The following TPP1 variants were observed in gnomAD, a reference collection of about 807,000 sequenced individuals.
The protein encoded by TPP1 is tripeptidyl-peptidase 1.
Under a neutral mutation model 67.6 loss-of-function variants are expected in TPP1, and 43 were observed. That is an observed-to-expected ratio of 0.64 (90% CI 0.50 to 0.82). The LOEUF is 0.82. Ranked by LOEUF, TPP1 falls within the 40% of genes least tolerant of loss-of-function variation. The pLI is 0.00. For synonymous variants in TPP1, 272 were observed against 281.5 expected (o/e 0.97, Z 0.34); for missense variants, 671 against 710.9 (o/e 0.94, Z 0.64).
Position 6,614,439 on chromosome 11 carries a change from A to C in TPP1, c.*107T>G, listed in dbSNP as rs1158437295. On this transcript the variant is annotated 3_prime_UTR_variant, in exon 13 of 13. Transcript: ENST00000299427. ...AGGGTTAGGGAGATAAGCTGTCTGC[A>C]GCAGTCAATAGTTGAGGGTTCAGCA... The C allele has an allele frequency of 4.2e-5, 63 of 1,485,494 alleles. 1 individual carries two copies. The highest frequency in any genetic ancestry group is 1.8e-5 in the Admixed American group (1 of 56,980). The allele number at this position is 1,485,494 out of a possible 1,614,324, so 92.0% of individuals were successfully genotyped here.
In TPP1 at chr11:6,618,781, T is replaced by C; in HGVS notation, c.224A>G (p.Gln75Arg). 6.2e-7 allele frequency: 1 copy of C among 1,613,824 alleles called. No individual in the cohort carries two copies. The highest frequency in any genetic ancestry group is 8.5e-7 in the Non-Finnish European group (1 of 1,180,018). ...TCCTCAGTCCCAAAAGGCACCGTAT[T>C]GAGGAGAGCTGGGATCCGACACAGC... ...VQAVSDPSSP[Q>R]YGKYLTLENV... Residue 75 changes from glutamine to arginine, a missense_variant, in exon 3 of 13, where the codon CAA becomes CGA. Gln to Arg is a conservative substitution (Grantham distance 43). Transcript: ENST00000299427.
In TPP1 at chr11:6,614,287, C is replaced by T. The variant is rs151296958; in HGVS notation, c.*259G>A. On this transcript the variant is annotated 3_prime_UTR_variant, in exon 13 of 13. Transcript: ENST00000299427. ...TGATTGAAAAGAGAAAGATGAGATG[C>T]GGAGGGAGAGGCATTCAAAAAATGC... 2.1e-4 allele frequency: 115 copies of T among 546,228 alleles called. No homozygotes were observed. Among genetic ancestry groups the T allele is most frequent in the African/African-American group, 1.9e-3 (101 of 52,886 alleles). 33.8% of individuals were successfully genotyped at this position (546,228 alleles called of 1,614,324 possible).
At position 6,615,551 on chromosome 11, in the gene TPP1, G is replaced by A. The variant is rs1199840174; in HGVS notation, c.1157C>T (p.Thr386Ile). ...CTGGAAGGATGTGCCTCCCACTGTG[G>A]TGACATAGGGGCTGAGGGGAGAAGA... ...PTFPASSPYV[T>I]TVGGTSFQEP... Residue 386 changes from threonine to isoleucine, a missense_variant, in exon 10 of 13, where the codon ACC becomes ATC. Thr to Ile is a moderately conservative substitution (Grantham distance 89, BLOSUM62 -1). Transcript: ENST00000299427. 1 of 1,614,066 alleles carries A rather than the reference G, an allele frequency of 6.2e-7. No homozygotes were observed. The highest frequency in any genetic ancestry group is 1.3e-5 in the African/African-American group (1 of 74,918).
At chr11:6,618,085 A>G in intron 3 of TPP1, 2 of 430,744 alleles carry the variant, frequency 4.6e-6, no homozygotes, top group Non-Finnish European at 8.6e-6. Context: ...TTTAATTTTA[A>G]GCTTATGTCC....
At position 6,614,928 on chromosome 11, in the gene TPP1, G is replaced by A. The variant is rs377700188; in HGVS notation, c.1489C>T (p.Arg497Cys). Residue 497 changes from arginine to cysteine, a missense_variant, in exon 12 of 13, where the codon CGC becomes TGC. Coordinates refer to ENST00000299427, the MANE Select transcript of TPP1 (RefSeq NM_000391.4). ...LINEHRILSG[R>C]PPLGFLNPRL... ...GGGTTGAGAAAGCCAAGAGGGGGGC[G>A]GCCACTAAGGATCCTGTGCTCATTG... The A allele has an allele frequency of 7.4e-6, 12 of 1,614,108 alleles. No homozygotes were observed. Among genetic ancestry groups the A allele is most frequent in the African/African-American group, 5.3e-5 (4 of 74,994 alleles).
Position 6,619,397 on chromosome 11 carries a change from C to T in TPP1, c.4G>A (p.Gly2Arg), listed in dbSNP as rs769552465. The change falls in exon 1 of 13, where the codon GGA (glycine) becomes AGA (arginine). Residue 2 changes from glycine to arginine, a missense_variant. Transcript: ENST00000299427. The stretch of plus-strand genomic sequence containing the variant: ...TCAATTTCTCACCAGGCTTGGAGTC[C>T]CATTCTGCCCTTCCGCGGATCTGCT... Reference protein sequence around the residue: MGLQACLLGLFA... With the variant: MRLQACLLGLFA... 6.2e-7 allele frequency: 1 copy of T among 1,614,090 alleles called. No individual in the cohort carries two copies. The highest frequency in any genetic ancestry group is 1.3e-5 in the African/African-American group (1 of 74,926).
Position 6,616,708 on chromosome 11 carries a change from A to G in TPP1, c.839T>C (p.Leu280Pro). The G allele has an allele frequency of 6.2e-7, 1 of 1,614,082 alleles. No homozygotes were observed. Among genetic ancestry groups the G allele is most frequent in the Non-Finnish European group, 8.5e-7 (1 of 1,180,004 alleles). The change falls in exon 7 of 13, where the codon CTG becomes CCG. Residue 280 changes from leucine (L) to proline (P), a missense_variant. By Grantham distance (98) the Leu-to-Pro change is moderately conservative. Transcript: ENST00000299427. ...GGAGATGTTGGCACCAGCACTCATC[A>G]GGTACTGCACATCTAGACTGGCCTC... ...GIEASLDVQYLMSAGANISTW... is the reference protein window; with the variant it reads ...GIEASLDVQYPMSAGANISTW...
At chr11:6,615,034 G>A in intron 11 of TPP1, 43 bp from the exon 12 acceptor site, 2 of 1,613,722 alleles carry the variant, frequency 1.2e-6, no homozygotes, top group Non-Finnish European at 1.7e-6. Context: ...GGTTCTGAGT[G>A]ATTGGACTTT....
Position 6,619,413 on chromosome 11 carries a change from C to G in TPP1, c.-13G>C. 2 of 1,614,216 alleles carry G rather than the reference C, an allele frequency of 1.2e-6. No homozygotes were observed. Among genetic ancestry groups the G allele is most frequent in the Non-Finnish European group, 1.7e-6 (2 of 1,180,032 alleles). On this transcript the variant is annotated 5_prime_UTR_variant, in exon 1 of 13. Transcript: ENST00000299427. ...CTTGGAGTCCCATTCTGCCCTTCCG[C>G]GGATCTGCTGTCATGTGACGGATCA...
chr11:6,619,322 C>T (rs1212901105), intron 1 of TPP1, 55 bp from the exon 2 acceptor site: 4 of 1,614,128 alleles, frequency 2.5e-6, no homozygotes, highest in Non-Finnish European at 3.4e-6. Flanking sequence ...TGTGTTCCCA[C>T]CCTCCCAATG....
chr11:6,617,625 C>T lies in TPP1; in HGVS notation c.380+1G>A, dbSNP rs1855606494. ...TCCATGGAGCAATCATTTCCTCTCA[C>T]CGGATGCTCAGCCAGCAAGTCAGAA... On this transcript the variant is annotated splice_donor_variant, in intron 4 of 12. Coordinates refer to ENST00000299427, the MANE Select transcript of TPP1 (RefSeq NM_000391.4). LOFTEE classifies it high-confidence loss of function. 6.2e-7 allele frequency: 1 copy of T among 1,614,132 alleles called. No individual in the cohort carries two copies. The highest frequency in any genetic ancestry group is 8.5e-7 in the Non-Finnish European group (1 of 1,179,998).
Position 6,614,704 on chromosome 11 carries a change from A to G in TPP1, c.1552-18T>C. 6.2e-7 allele frequency: 1 copy of G among 1,614,184 alleles called. No homozygotes were observed. The highest frequency in any genetic ancestry group is 8.5e-7 in the Non-Finnish European group (1 of 1,180,040). ...CGGGTTACCTAGGGAGGAGGCTGGCATCAGATCTGGGCCTACTAGTACCAG... is the reference window on the plus strand; with the variant it reads ...CGGGTTACCTAGGGAGGAGGCTGGCGTCAGATCTGGGCCTACTAGTACCAG... On this transcript the variant is annotated intron_variant, in intron 12 of 12. Transcript: ENST00000299427.
Position 6,614,402 on chromosome 11 carries a change from TCA to T in TPP1, c.*142_*143del. 8.7e-7 allele frequency: 1 copy of T among 1,154,114 alleles called. No homozygotes were observed. Among genetic ancestry groups the T allele is most frequent in the South Asian group, 1.4e-5 (1 of 69,960 alleles). 71.5% of individuals were successfully genotyped at this position (1,154,114 alleles called of 1,614,324 possible). ...GGTAGGGTTGGGAGTCAAGTCAAGC[TCA>T]CAGCATTTCAGGGTTAGGGAGATAA... On this transcript the variant is annotated 3_prime_UTR_variant, in exon 13 of 13. Coordinates refer to ENST00000299427, the MANE Select transcript of TPP1 (RefSeq NM_000391.4).
In TPP1 at chr11:6,613,135, G is replaced by C. The variant is rs1256344945; in HGVS notation, c.*1411C>G. 6.6e-6 allele frequency: 1 copy of C among 152,220 alleles called. No homozygotes were observed. The highest frequency in any genetic ancestry group is 1.5e-5 in the Non-Finnish European group (1 of 68,038). 9.4% of individuals were successfully genotyped at this position (152,220 alleles called of 1,614,324 possible). ...CTTACTTGACCCAGTCTCTCTCCTA[G>C]TCCATATCAGAACCAAGATTCAAAC... On this transcript the variant is annotated 3_prime_UTR_variant, in exon 13 of 13. Transcript: ENST00000299427.
At chr11:6,619,313 G>C in intron 1 of TPP1, 46 bp from the exon 2 acceptor site, 1 of 1,614,082 alleles carries the variant, frequency 6.2e-7, no homozygotes, top group Non-Finnish European at 8.5e-7. Flanking sequence ...CGTTGTCCTT[G>C]TGTTCCCACC....
At chr11:6,619,170 G>A in intron 2 of TPP1, 26 bp downstream of exon 2, 2 of 1,613,466 alleles carry the variant, frequency 1.2e-6, no homozygotes, top group East Asian at 2.2e-5. Context: ...ATGGGGAAGG[G>A]GGCAGTCTGT....
chr11:6,618,654 G>C, intron 3 of TPP1, 122 bp downstream of exon 3: 1 of 1,397,086 alleles, frequency 7.2e-7, no homozygotes. Flanking sequence ...TCCCCTTTTA[G>C]GTTTCTAGCC....
Position 6,616,755 on chromosome 11 carries a change from C to G in TPP1, c.792G>C (p.Gln264His). 1 of 1,614,066 alleles carries G rather than the reference C, an allele frequency of 6.2e-7. No individual in the cohort carries two copies. Among genetic ancestry groups the G allele is most frequent in the East Asian group, 2.2e-5 (1 of 44,876 alleles). The change falls in exon 7 of 13, where the codon CAG (glutamine) becomes CAC (histidine). Residue 264 changes from glutamine to histidine, a missense_variant. Transcript: ENST00000299427. ...QASVARVVGQ[Q>H]GRGRAGIEAS... ...CCTCAATCCCGGCCCGGCCCCGGCCCTGTTGTCCAACCACACGGGCTACTG... is the reference window on the plus strand; with the variant it reads ...CCTCAATCCCGGCCCGGCCCCGGCCGTGTTGTCCAACCACACGGGCTACTG...
chr11:6,616,547 T>G (rs1361336735), intron 7 of TPP1, 44 bp from the exon 8 acceptor site: 2 of 1,582,808 alleles, frequency 1.3e-6, no homozygotes, highest in South Asian at 1.1e-5. Flanking sequence ...GGCACAAAGA[T>G]AGTCACTGGG....
Sources: allele counts gnomAD v4.1 joint callset, GRCh38; gene constraint gnomAD v4.1.1; transcripts MANE v1.5; gene names NCBI Gene and HGNC (gene_info 2026-07-23, HGNC 2026-07-21).